DPP3: variants seen among roughly 807,000 people sequenced by gnomAD.
DPP3 encodes the protein dipeptidyl peptidase 3.
In DPP3, 64 loss-of-function variants were observed where a neutral mutation model predicts 89.8. The observed-to-expected ratio is 0.71, with a 90% confidence interval of 0.58 to 0.88. DPP3 has a LOEUF of 0.88. DPP3 is among the 40% of genes least tolerant of loss of function. The pLI is 0.00. For synonymous variants in DPP3, 377 were observed against 404.3 expected, an observed-to-expected ratio of 0.93 and a Z score of 0.81; for missense variants, 835 against 972.5, an observed-to-expected ratio of 0.86 and a Z score of 1.88.
At chr11:66,492,515 G>C (rs1017080967) in intron 9 of DPP3, 7 of 563,984 alleles carry the variant, frequency 1.2e-5, no homozygotes, top group African/African-American at 3.9e-5. Flanking sequence ...GCCTGAGGGA[G>C]AGACGGGTTT....
intron 1 of DPP3, 99 bp from the exon 2 acceptor site, chr11:66,482,094 G>T: frequency 6.7e-7 from 1 of 1,488,032 alleles, no homozygotes. Flanking sequence ...CCTTCCACAT[G>T]GGCTTTTGGG....
intron 2 of DPP3, among the ~76,000 whole-genome samples, chr11:66,483,748 A>G (rs192266595): frequency 2.6e-5 from 4 of 152,278 alleles, no homozygotes; most frequent in African/African-American, 4.8e-5. Context: ...GCTTCACTGC[A>G]TTATATTCCC....
At chr11:66,502,717 GCCTCCCAAA>G in intron 16 of DPP3, among the ~76,000 whole-genome samples, 1 of 151,560 alleles carries the variant, frequency 6.6e-6, no homozygotes, top group African/African-American at 2.4e-5. Flanking sequence ...ACCCGCCTCG[GCCTCCCAAA>G]GTGCTGGGAT....
chr11:66,502,711 G>A (rs535453755), intron 16 of DPP3, among the ~76,000 whole-genome samples: 4 of 151,960 alleles, frequency 2.6e-5, no homozygotes, highest in Middle Eastern at 6.8e-3. Context: ...TGATCCACCC[G>A]CCTCGGCCTC....
In DPP3 at chr11:66,482,395, C is replaced by T; in HGVS notation, c.195C>T (p.Arg65=). Reference sequence around the variant, plus strand: ...CCTACATCTATGCTCTGCTCAGCCGCCTCTTCCGCGCCCAGGACCCCGACC... The same window carrying T: ...CCTACATCTATGCTCTGCTCAGCCGTCTCTTCCGCGCCCAGGACCCCGACC... ...EAPYIYALLS[R]LFRAQDPDQL... The change falls in exon 2 of 18, where the codon CGC becomes CGT. Residue 65 remains arginine (R), a synonymous_variant. Transcript: ENST00000531863. 6.2e-7 allele frequency: 1 copy of T among 1,611,340 alleles called. No individual in the cohort carries two copies. Among genetic ancestry groups the T allele is most frequent in the Non-Finnish European group, 8.5e-7 (1 of 1,180,024 alleles).
rs1473200578 is a variant in DPP3 at position 66,486,594 on chromosome 11, G to T, written c.415G>T (p.Glu139Ter). The T allele has an allele frequency of 4.4e-6, 7 of 1,583,426 alleles. No homozygotes were observed. The highest frequency in any genetic ancestry group is 1.7e-4 in the Middle Eastern group (1 of 5,992). ...GSEAAQQHPE[E>*]VRGLWQTCGE... Reference sequence around the variant, plus strand: ...TGAGGCTGCTCAGCAGCACCCAGAAGAAGTCAGGGGCCTCTGGCAGACCTG... The same window carrying T: ...TGAGGCTGCTCAGCAGCACCCAGAATAAGTCAGGGGCCTCTGGCAGACCTG... The change falls in exon 4 of 18, where the codon GAA becomes TAA. Residue 139 changes from glutamate (E) to a stop codon, truncating the protein, a stop_gained. Coordinates refer to ENST00000531863, the MANE Select transcript of DPP3 (RefSeq NM_130443.4). LOFTEE classifies it high-confidence loss of function.
Position 66,509,274 on chromosome 11 carries a change from C to T in DPP3, c.*23C>T. 6.3e-7 allele frequency: 1 copy of T among 1,587,874 alleles called. No homozygotes were observed. ...TGAGGAAGATGTGTGGCCTTGCCCC[C>T]AATTCCATCAGACCAAGGCTGCAAG... On this transcript the variant is annotated 3_prime_UTR_variant, in exon 18 of 18. Transcript: ENST00000531863.
intron 17 of DPP3, among the ~76,000 whole-genome samples, chr11:66,507,708 G>A (rs779597472): frequency 3.1e-4 from 45 of 145,036 alleles, no homozygotes; most frequent in Non-Finnish European, 5.0e-4. Flanking sequence ...TTTTTTTGAG[G>A]TGGAGTCTCA....
chr11:66,495,484 G>A lies in DPP3; in HGVS notation c.1572G>A (p.Val524=). ...TCTACCTCTGTCTCCACCCGCAAGT[G>A]CTGGAGTAAGAGCAGCAGGGCCGAG... ...VGLYLCLHPQ[V]LEIFGFEGAD... is the part of the protein sequence containing the mutation. Residue 524 remains valine (V), a synonymous_variant, in exon 14 of 18, where the codon GTG becomes GTA. Transcript: ENST00000531863. 6.2e-7 allele frequency: 1 copy of A among 1,611,488 alleles called. No individual in the cohort carries two copies.
Position 66,482,258 on chromosome 11 carries a change from C to T in DPP3, c.58C>T (p.Arg20Cys), listed in dbSNP as rs200657045. 7.4e-6 allele frequency: 12 copies of T among 1,614,174 alleles called. No homozygotes were observed. Among genetic ancestry groups the T allele is most frequent in the Middle Eastern group, 1.6e-4 (1 of 6,062 alleles). ...NDIGVSSLDC[R>C]EAFRLLSPTE... ...CATCGGCGTGTCTAGCCTGGACTGCCGTGAGGCCTTCCGCCTGCTGTCACC... is the reference window on the plus strand; with the variant it reads ...CATCGGCGTGTCTAGCCTGGACTGCTGTGAGGCCTTCCGCCTGCTGTCACC... The change falls in exon 2 of 18, where the codon CGT becomes TGT. Residue 20 changes from arginine to cysteine, a missense_variant. By Grantham distance (180) the Arg-to-Cys change is radical (BLOSUM62 -3). Transcript: ENST00000531863.
chr11:66,499,017 AAAAAG>A (rs1335888779), intron 16 of DPP3, among the ~76,000 whole-genome samples: 1 of 152,042 alleles, frequency 6.6e-6, no homozygotes, highest in Non-Finnish European at 1.5e-5. Flanking sequence ...TCTCTAAAAG[AAAAAG>A]AAAAGATAAC....
At chr11:66,495,091 C>CCGTTCCTG in intron 12 of DPP3, 115 bp from the exon 13 acceptor site, 1 of 1,486,534 alleles carries the variant, frequency 6.7e-7, no homozygotes, top group Non-Finnish European at 9.3e-7. Context: ...CTCCCGCCGC[C>CCGTTCCTG]CGCTCCTGCG....
rs1346296209 is a variant in DPP3, at chr11:66,495,664, G to A, written c.1612G>A (p.Val538Met). The change falls in exon 15 of 18, where the codon GTG becomes ATG. Residue 538 changes from valine (V) to methionine (M), a missense_variant. Transcript: ENST00000531863. ...FGFEGADAED[V>M]IYVNWLNMVR... Reference sequence around the variant, plus strand: ...CTTTGAGGGGGCTGATGCGGAGGACGTGATCTACGTGAACTGGCTCAACAT... The same window carrying A: ...CTTTGAGGGGGCTGATGCGGAGGACATGATCTACGTGAACTGGCTCAACAT... 5.0e-6 allele frequency: 8 copies of A among 1,614,008 alleles called. No individual in the cohort carries two copies. Among genetic ancestry groups the A allele is most frequent in the African/African-American group, 4.0e-5 (3 of 74,942 alleles).
Position 66,498,329 on chromosome 11 carries a change from G to A in DPP3, c.1878+852G>A, listed in dbSNP as rs1855594840. ...AGGATGGTCTCGATCTCCTGACCTC[G>A]TGATCTGCCTGCCTCGGCCTCCCAA... is the stretch of plus-strand genomic sequence containing the variant. On this transcript the variant is annotated intron_variant, in intron 16 of 17. Coordinates refer to ENST00000531863, the MANE Select transcript of DPP3 (RefSeq NM_130443.4). 2.6e-5 allele frequency among the ~76,000 whole-genome samples: 4 copies of A among 152,192 alleles called. No individual in the cohort carries two copies. The South Asian group carries it at 8.3e-4, about 32-fold the overall frequency.
intron 17 of DPP3, among the ~76,000 whole-genome samples, chr11:66,505,409 T>A (rs1855775494): frequency 6.6e-6 from 1 of 152,162 alleles, no homozygotes; most frequent in African/African-American, 2.4e-5. Flanking sequence ...AGCACCAGCT[T>A]CAGAACCACC....
intron 11 of DPP3, 103 bp from the exon 12 acceptor site, chr11:66,493,438 C>T (rs1457682602): frequency 8.2e-7 from 1 of 1,224,280 alleles, no homozygotes; most frequent in African/African-American, 1.5e-5. Flanking sequence ...CTTTACCAAG[C>T]ACATGCACTG....
In DPP3 at chr11:66,509,408, CA is replaced by C; in HGVS notation, c.*158del. On this transcript the variant is annotated 3_prime_UTR_variant, in exon 18 of 18. Coordinates refer to ENST00000531863, the MANE Select transcript of DPP3 (RefSeq NM_130443.4). ...TGGTGACACAACCCCTTCCATTTGT[CA>C]GCACTTTCCAGCCTGCCAATTGCTT... The C allele has an allele frequency of 6.5e-7, 1 of 1,536,504 alleles. No homozygotes were observed. The highest frequency in any genetic ancestry group is 8.7e-7 in the Non-Finnish European group (1 of 1,146,748).
At position 66,498,145 on chromosome 11, in the gene DPP3, G is replaced by A. The variant is rs199971949; in HGVS notation, c.1878+668G>A. On this transcript the variant is annotated intron_variant, in intron 16 of 17. Transcript: ENST00000531863. ...GTCTCGCTCTGTCGCCCAGGCTGGAGTGCAGTGGCGTGATCTGTGCTCACT... is the reference window on the plus strand; with the variant it reads ...GTCTCGCTCTGTCGCCCAGGCTGGAATGCAGTGGCGTGATCTGTGCTCACT... 3.5e-4 allele frequency among the ~76,000 whole-genome samples: 53 copies of A among 151,966 alleles called. 1 individual carries two copies. In the East Asian group the frequency reaches 7.2e-3, roughly 21 times the overall value.
intron 6 of DPP3, 44 bp from the exon 7 acceptor site, chr11:66,491,209 T>C: frequency 6.2e-7 from 1 of 1,610,584 alleles, no homozygotes; most frequent in African/African-American, 1.3e-5. Context: ...GAGTGAGGCC[T>C]CTTACTCCAG....
Sources: gnomAD v4.1 joint callset for allele counts (sites outside exome capture counted in the v4.1 genomes callset) on GRCh38, gnomAD v4.1.1 for gene constraint, MANE v1.5 for transcripts, NCBI Gene and HGNC (gene_info 2026-07-23, HGNC 2026-07-21) for gene names.